The following HOOK1 variants were observed in gnomAD, a reference collection of about 807,000 sequenced individuals.
HOOK1 encodes the protein protein Hook homolog 1.
HOOK1 carries 60 observed loss-of-function variants against 112.8 expected under a neutral mutation model. That is an observed-to-expected ratio of 0.53 (90% CI 0.43 to 0.66). The LOEUF is 0.66. HOOK1 is among the 30% of genes least tolerant of loss of function. The pLI, the probability that HOOK1 is intolerant of heterozygous loss-of-function variation, is 0.00. For missense variants in HOOK1, 770 were observed against 856.0 expected (o/e 0.90, Z 1.25); for synonymous variants, 294 against 283.8 (o/e 1.04, Z -0.36).
chr1:59,829,367 T>G (rs994176004), intron 3 of HOOK1, among the ~76,000 whole-genome samples: 1 of 152,144 alleles, frequency 6.6e-6, no homozygotes, highest in Non-Finnish European at 1.5e-5. Flanking sequence ...CTACAAACAT[T>G]CATATATGAA....
At chr1:59,825,340 C>T (rs1375177929) in intron 2 of HOOK1, among the ~76,000 whole-genome samples, 1 of 152,204 alleles carries the variant, frequency 6.6e-6, no homozygotes, top group Non-Finnish European at 1.5e-5. Context: ...ACCAGTTAAC[C>T]TCTCTGTTCC....
chr1:59,851,882 A>G (rs1171040777), intron 12 of HOOK1, among the ~76,000 whole-genome samples: 2 of 151,728 alleles, frequency 1.3e-5, no homozygotes, highest in East Asian at 3.8e-4. Context: ...TTATCCTAAA[A>G]GAGTATCGGA....
chr1:59,821,907 C>CT lies in HOOK1; in HGVS notation c.114dup (p.Ser39Ter). On this transcript the variant is annotated frameshift_variant, in exon 2 of 22. Coordinates refer to ENST00000371208, the MANE Select transcript of HOOK1 (RefSeq NM_015888.6). LOFTEE classifies it high-confidence loss of function. ...CCTTGTCAAGATGTCAAACAGCTGA[C>CT]TAGTGGAGTTGCCATGGCACAAGTT... The CT allele has an allele frequency of 6.2e-7, 1 of 1,610,906 alleles. No homozygotes were observed. The highest frequency in any genetic ancestry group is 1.1e-5 in the South Asian group (1 of 90,644).
At chr1:59,868,586 C>T (rs561947779) in intron 20 of HOOK1, among the ~76,000 whole-genome samples, 1 of 152,338 alleles carries the variant, frequency 6.6e-6, no homozygotes, top group South Asian at 2.1e-4. Flanking sequence ...TTGTCAATAA[C>T]AGGCATTATA....
At chr1:59,859,754 A>G (rs1210505030) in intron 14 of HOOK1, among the ~76,000 whole-genome samples, 1 of 152,042 alleles carries the variant, frequency 6.6e-6, no homozygotes, top group Non-Finnish European at 1.5e-5. Flanking sequence ...ATTATAAGGT[A>G]TATATTAAAA....
At chr1:59,821,059 G>T (rs2098385231) in intron 1 of HOOK1, among the ~76,000 whole-genome samples, 2 of 152,142 alleles carry the variant, frequency 1.3e-5, no homozygotes, top group African/African-American at 4.8e-5. Context: ...AATTATTAGT[G>T]AACAGTGAAA....
intron 2 of HOOK1, among the ~76,000 whole-genome samples, chr1:59,826,558 T>C (rs547890357): frequency 5.9e-5 from 9 of 152,326 alleles, no homozygotes; most frequent in Admixed American, 2.0e-4. Flanking sequence ...AAAGGAATTA[T>C]CTTGGAAAAA....
intron 5 of HOOK1, 113 bp downstream of exon 5, chr1:59,833,650 G>A (rs1018592610): frequency 1.4e-5 from 12 of 863,770 alleles, no homozygotes; most frequent in East Asian, 1.2e-4. Flanking sequence ...ACCCTGAAAC[G>A]TAAACCAGAA....
rs200394995 is a variant in HOOK1 at position 59,850,120 on chromosome 1, ATGT to A, written c.1242+943_1242+945del. Among the ~76,000 whole-genome samples the A allele has an allele frequency of 9.6e-3, 1,448 of 151,604 alleles. 18 individuals are homozygous for A. The highest frequency in any genetic ancestry group is 0.032 in the African/African-American group (1,348 of 41,480). On this transcript the variant is annotated intron_variant, in intron 12 of 21. Coordinates refer to ENST00000371208, the MANE Select transcript of HOOK1 (RefSeq NM_015888.6). ...TTGATTAGCATTTCTCTACTGACTA[ATGT>A]TGTTGAGCATCTTTTATGTACTTAT...
At chr1:59,836,439 A>G (rs1413764079) in intron 6 of HOOK1, among the ~76,000 whole-genome samples, 2 of 152,158 alleles carry the variant, frequency 1.3e-5, no homozygotes, top group African/African-American at 2.4e-5. Flanking sequence ...CTTTCATCTC[A>G]GAGTTATTTT....
At chr1:59,853,662 AT>A (rs2098408461) in intron 12 of HOOK1, among the ~76,000 whole-genome samples, 2 of 151,180 alleles carry the variant, frequency 1.3e-5, no homozygotes, top group South Asian at 4.2e-4. Flanking sequence ...TTTCTCCTCC[AT>A]TTTTCTACTA....
intron 8 of HOOK1, among the ~76,000 whole-genome samples, chr1:59,841,530 G>T (rs2098401008): frequency 6.6e-6 from 1 of 152,150 alleles, no homozygotes; most frequent in Non-Finnish European, 1.5e-5. Flanking sequence ...TTTGAATGAA[G>T]TAAGTGTCTC....
At chr1:59,850,043 C>G (rs2098406304) in intron 12 of HOOK1, among the ~76,000 whole-genome samples, 1 of 151,434 alleles carries the variant, frequency 6.6e-6, no homozygotes, top group Non-Finnish European at 1.5e-5. Context: ...CACCTATTAT[C>G]TTTTTGATTT....
chr1:59,827,189 C>T (rs2098390615), intron 2 of HOOK1, among the ~76,000 whole-genome samples: 1 of 152,182 alleles, frequency 6.6e-6, no homozygotes, highest in Non-Finnish European at 1.5e-5. Context: ...TCTGCTGGCA[C>T]AATTTGCTCT....
At chr1:59,858,390 G>T in intron 12 of HOOK1, 38 bp from the exon 13 acceptor site, 1 of 1,215,580 alleles carries the variant, frequency 8.2e-7, no homozygotes, top group Non-Finnish European at 1.2e-6. Context: ...TTTATAGGCA[G>T]AATTAAATAC....
In HOOK1 at chr1:59,821,885, T is replaced by C. The variant is rs1176738639; in HGVS notation, c.91T>C (p.Cys31Arg). The change falls in exon 2 of 22, where the codon TGT (cysteine) becomes CGT (arginine). Residue 31 changes from cysteine (C) to arginine (R), a missense_variant. Around this residue, in one of 3 missense-constraint regions of HOOK1, gnomAD observed 655 missense variants for 725.9 expected, o/e 0.90. Coordinates refer to ENST00000371208, the MANE Select transcript of HOOK1 (RefSeq NM_015888.6). ...GCAGACATTCAATACTGCCTCACCT[T>C]GTCAAGATGTCAAACAGCTGACTAG... ...WLQTFNTASPCQDVKQLTSGV... is the reference protein window; with the variant it reads ...WLQTFNTASPRQDVKQLTSGV... 6.2e-7 allele frequency: 1 copy of C among 1,605,376 alleles called. No homozygotes were observed. Among genetic ancestry groups the C allele is most frequent in the Non-Finnish European group, 8.5e-7 (1 of 1,176,972 alleles).
At chr1:59,834,069 A>G (rs781285826) in intron 5 of HOOK1, among the ~76,000 whole-genome samples, 1 of 152,172 alleles carries the variant, frequency 6.6e-6, no homozygotes, top group Non-Finnish European at 1.5e-5. Flanking sequence ...CTGAGTACAA[A>G]AGGATCATAT....
Position 59,858,620 on chromosome 1 carries a change from T to C in HOOK1, c.1330+105T>C, listed in dbSNP as rs2098411917. On this transcript the variant is annotated intron_variant, in intron 13 of 21. Coordinates refer to ENST00000371208, the MANE Select transcript of HOOK1 (RefSeq NM_015888.6). The stretch of plus-strand genomic sequence containing the variant: ...CTGTCATGGTGGCGCATGCCTATAG[T>C]CCTAGCTCTGGGAGGCTGAGGCGGG... 5 of 761,976 alleles carry C rather than the reference T, an allele frequency of 6.6e-6. No homozygotes were observed. In the East Asian group the frequency reaches 1.3e-4, roughly 20 times the overall value. The allele number at this position is 761,976 out of a possible 1,614,324, so 47.2% of individuals were successfully genotyped here. A position where few individuals can be genotyped will look rare whatever the true frequency, so the allele number is the denominator to read the frequency against.
chr1:59,823,916 C>T (rs936652383), intron 2 of HOOK1, among the ~76,000 whole-genome samples: 11 of 152,170 alleles, frequency 7.2e-5, no homozygotes, highest in Non-Finnish European at 1.5e-4. Context: ...TGGCCAGTGC[C>T]CTAAAATTAA....
Sources: allele counts gnomAD v4.1 joint callset (sites outside exome capture counted in the v4.1 genomes callset), GRCh38; gene constraint gnomAD v4.1.1; regional missense constraint gnomAD v4.1.1; transcripts MANE v1.5; gene names NCBI Gene and HGNC (gene_info 2026-07-23, HGNC 2026-07-21).